CSMD1: variants seen among roughly 807,000 people sequenced by gnomAD.
CSMD1 encodes CUB and Sushi multiple domains 1, also known as CUB and sushi domain-containing protein 1.
A neutral mutation model predicts 417.5 loss-of-function variants in CSMD1; 213 were observed. The observed-to-expected ratio is 0.51, with a 90% CI of 0.46 to 0.57. The LOEUF (loss-of-function observed/expected upper bound fraction) is 0.57. CSMD1 is among the 20% of genes least tolerant of loss of function. The pLI is 0.00. For synonymous variants in CSMD1, 2,862 were observed against 1,736.8 expected (o/e 1.65, Z -16.11); for missense variants, 6,923 against 4,529.7 (o/e 1.53, Z -15.17).
At chr8:4,917,675 G>T (rs541554693) in intron 1 of CSMD1, among the ~76,000 whole-genome samples, 1 of 148,450 alleles carries the variant, frequency 6.7e-6, no homozygotes, top group Non-Finnish European at 1.5e-5. Context: ...AATAAAATAA[G>T]AGATTTGGAT....
rs919181890 is a variant in CSMD1 at position 4,652,389 on chromosome 8, T to C, written c.86-14831A>G. 7.9e-5 allele frequency among the ~76,000 whole-genome samples: 12 copies of C among 151,864 alleles called. No homozygotes were observed. In the East Asian group the frequency reaches 2.3e-3, roughly 29 times the overall value. On this transcript the variant is annotated intron_variant, in intron 1 of 69. Transcript: ENST00000635120. ...CATATGAGACTTCCATTCTGTTTTT[T>C]TGTCTGTTTCATTCTGCTTTGGGAG...
chr8:4,958,648 G>C (rs1306719289), intron 1 of CSMD1, among the ~76,000 whole-genome samples: 3 of 152,144 alleles, frequency 2.0e-5, no homozygotes, highest in Non-Finnish European at 2.9e-5. Flanking sequence ...ATGTGAACCA[G>C]TCTTTCTGGT....
At chr8:3,963,596 A>G (rs1247776786) in intron 5 of CSMD1, among the ~76,000 whole-genome samples, 2 of 152,222 alleles carry the variant, frequency 1.3e-5, no homozygotes, top group Admixed American at 6.5e-5. Flanking sequence ...AACAAAAAAT[A>G]AAGTTTAAAT....
chr8:3,399,648 C>T, intron 15 of CSMD1, 119 bp from the exon 16 acceptor site: 1 of 709,254 alleles, frequency 1.4e-6, no homozygotes, highest in South Asian at 3.1e-5. Flanking sequence ...TTTCAAGTAT[C>T]AAAGCAAATC....
intron 50 of CSMD1, among the ~76,000 whole-genome samples, chr8:3,032,413 C>A (rs1235888123): frequency 3.3e-5 from 5 of 151,946 alleles, no homozygotes; most frequent in African/African-American, 1.2e-4. Context: ...TGCGTTCATA[C>A]AAAAACAGTG....
chr8:3,790,676 G>C (rs183553215), intron 5 of CSMD1, among the ~76,000 whole-genome samples: 3 of 151,996 alleles, frequency 2.0e-5, no homozygotes, highest in South Asian at 2.1e-4. Flanking sequence ...TTGTTAACAG[G>C]GTTTGTTTTA....
intron 26 of CSMD1, among the ~76,000 whole-genome samples, chr8:3,248,919 C>G (rs1203499855): frequency 1.3e-5 from 2 of 152,068 alleles, no homozygotes; most frequent in Non-Finnish European, 2.9e-5. Flanking sequence ...TAGAGGCTCC[C>G]TGACCTTTTC....
intron 2 of CSMD1, among the ~76,000 whole-genome samples, chr8:4,596,112 A>T (rs372641626): frequency 2.5e-3 from 388 of 152,256 alleles, no homozygotes; most frequent in Non-Finnish European, 4.5e-3. Flanking sequence ...CAATTGTAAT[A>T]ATGAATGTAG....
At chr8:3,755,162 C>T (rs1028412160) in intron 5 of CSMD1, among the ~76,000 whole-genome samples, 12 of 152,290 alleles carry the variant, frequency 7.9e-5, no homozygotes, top group Non-Finnish European at 1.6e-4. Flanking sequence ...GCGCAAGGGA[C>T]ACATTTAGTT....
intron 42 of CSMD1, among the ~76,000 whole-genome samples, chr8:3,111,817 G>T (rs1312912486): frequency 1.3e-5 from 2 of 151,984 alleles, no homozygotes; most frequent in Non-Finnish European, 2.9e-5. Context: ...GGGTGACAGA[G>T]TCTCTGTCTC....
intron 5 of CSMD1, among the ~76,000 whole-genome samples, chr8:3,973,668 T>C (rs941177600): frequency 6.6e-6 from 1 of 152,206 alleles, no homozygotes; most frequent in African/African-American, 2.4e-5. Flanking sequence ...CCTCACAGTA[T>C]CCTTGGTACT....
chr8:4,194,027 C>G (rs61417289), intron 3 of CSMD1, among the ~76,000 whole-genome samples: 6,442 of 152,080 alleles, frequency 0.042, 475 homozygotes, highest in African/African-American at 0.15. Flanking sequence ...ATATTTAAGG[C>G]ATGATATTAA....
At chr8:3,521,597 G>A (rs1489367248) in intron 10 of CSMD1, among the ~76,000 whole-genome samples, 1 of 152,062 alleles carries the variant, frequency 6.6e-6, no homozygotes, top group Non-Finnish European at 1.5e-5. Flanking sequence ...GCTCCTTCTT[G>A]GTGTTTAGCT....
In CSMD1 at chr8:4,353,765, C is replaced by G. The variant is rs540588707; in HGVS notation, c.415+66188G>C. On this transcript the variant is annotated intron_variant, in intron 3 of 69. Coordinates refer to ENST00000635120, the MANE Select transcript of CSMD1 (RefSeq NM_033225.6). Reference sequence around the variant, plus strand: ...TGGAGATTTCTTTTTTTGCCCTTCACACATTTGATTTACTTATTTGCTGGC... The same window carrying G: ...TGGAGATTTCTTTTTTTGCCCTTCAGACATTTGATTTACTTATTTGCTGGC... Among the ~76,000 whole-genome samples, 9 of 152,092 alleles carry G rather than the reference C, an allele frequency of 5.9e-5. No individual in the cohort carries two copies. In the East Asian group the frequency reaches 1.7e-3, roughly 29 times the overall value.
intron 1 of CSMD1, among the ~76,000 whole-genome samples, 190 bp from the exon 2 acceptor site, chr8:4,637,748 G>A (rs1024777453): frequency 6.6e-5 from 9 of 137,172 alleles, no homozygotes; most frequent in African/African-American, 2.4e-4. Flanking sequence ...TCAGCTCACT[G>A]CAAGCTCCGC....
At chr8:4,978,414 G>C (rs963014869) in intron 1 of CSMD1, among the ~76,000 whole-genome samples, 2 of 152,122 alleles carry the variant, frequency 1.3e-5, no homozygotes, top group Non-Finnish European at 2.9e-5. Flanking sequence ...AGTTTGGGTG[G>C]AGGGTATGTT....
At chr8:4,293,098 C>G (rs1041415479) in intron 3 of CSMD1, among the ~76,000 whole-genome samples, 1 of 152,152 alleles carries the variant, frequency 6.6e-6, no homozygotes, top group Admixed American at 6.6e-5. Flanking sequence ...CATGCGGAAA[C>G]AGCAGGAGGG....
At chr8:4,031,361 C>T (rs1399737254) in intron 4 of CSMD1, among the ~76,000 whole-genome samples, 5 of 152,198 alleles carry the variant, frequency 3.3e-5, no homozygotes, top group Admixed American at 6.5e-5. Context: ...GAGCACATCA[C>T]GTCTTACATG....
chr8:4,284,418 A>T (rs193284396), intron 3 of CSMD1, among the ~76,000 whole-genome samples: 96 of 135,820 alleles, frequency 7.1e-4, no homozygotes, highest in African/African-American at 2.4e-3. Context: ...CAGGAGAGAC[A>T]AACACTGCGG....
Sources: allele counts gnomAD v4.1 joint callset (sites outside exome capture counted in the v4.1 genomes callset), GRCh38; gene constraint gnomAD v4.1.1; transcripts MANE v1.5; gene names NCBI Gene and HGNC (gene_info 2026-07-23, HGNC 2026-07-21).